Variants in TMPRSS12 observed in about 807,000 individuals in gnomAD.
The protein encoded by TMPRSS12 is transmembrane serine protease 12.
TMPRSS12 carries 25 observed loss-of-function variants against 26.0 expected under a neutral mutation model. That is an observed-to-expected ratio of 0.96 (90% CI 0.70 to 1.34). The LOEUF is 1.34. Among genes scored for constraint, TMPRSS12 ranks in the 40% most tolerant of loss-of-function variants. The probability of loss-of-function intolerance (pLI) is 0.00; values close to 1 mark genes in which losing one functional copy is unlikely to be tolerated. For synonymous variants in TMPRSS12, 150 were observed against 161.7 expected, an observed-to-expected ratio of 0.93 and a Z score of 0.55; for missense variants, 441 against 440.1, an observed-to-expected ratio of 1.00 and a Z score of -0.02.
intron 3 of TMPRSS12, among the ~76,000 whole-genome samples, chr12:50,866,483 C>A (rs1418279431): frequency 6.6e-6 from 1 of 152,088 alleles, no homozygotes; most frequent in Non-Finnish European, 1.5e-5. Context: ...AAGACCCACC[C>A]AAGGAGAGTC....
At chr12:50,883,869 G>T (rs185274613) in intron 3 of TMPRSS12, among the ~76,000 whole-genome samples, 1 of 152,196 alleles carries the variant, frequency 6.6e-6, no homozygotes, top group East Asian at 1.9e-4. Flanking sequence ...GGGCATGATG[G>T]CACATGCCCA....
intron 2 of TMPRSS12, among the ~76,000 whole-genome samples, chr12:50,848,968 G>A (rs1937799421): frequency 6.6e-6 from 1 of 152,142 alleles, no homozygotes; most frequent in Admixed American, 6.5e-5. Flanking sequence ...AGGATAAATT[G>A]GTCCTCCCAC....
intron 3 of TMPRSS12, among the ~76,000 whole-genome samples, chr12:50,873,034 G>A (rs1592223377): frequency 6.6e-6 from 1 of 151,122 alleles, no homozygotes; most frequent in Non-Finnish European, 1.5e-5. Flanking sequence ...AACGGCATTC[G>A]CAGCGACCTG....
intron 3 of TMPRSS12, among the ~76,000 whole-genome samples, chr12:50,871,907 A>T (rs962458183): frequency 2.7e-5 from 4 of 149,954 alleles, no homozygotes; most frequent in Non-Finnish European, 5.9e-5. Context: ...CTCCTTCAAG[A>T]GTGGTCATAA....
At chr12:50,863,108 T>A (rs571200896) in intron 3 of TMPRSS12, among the ~76,000 whole-genome samples, 1 of 151,764 alleles carries the variant, frequency 6.6e-6, no homozygotes, top group Non-Finnish European at 1.5e-5. Context: ...GAGTTCGAGG[T>A]TATGGTGAGC....
At chr12:50,851,734 C>T (rs969549188) in intron 2 of TMPRSS12, among the ~76,000 whole-genome samples, 6 of 152,102 alleles carry the variant, frequency 3.9e-5, no homozygotes, top group Admixed American at 6.5e-5. Flanking sequence ...ATCCCCAAGA[C>T]ATATAGTCAT....
chr12:50,885,787 C>CTGGAAT (rs951308154), intron 4 of TMPRSS12: 2 of 384,222 alleles, frequency 5.2e-6, no homozygotes, highest in African/African-American at 4.2e-5. Flanking sequence ...TCCTAGGTAG[C>CTGGAAT]TGGAATTACA....
intron 2 of TMPRSS12, among the ~76,000 whole-genome samples, chr12:50,854,265 T>C (rs1937855359): frequency 1.3e-5 from 2 of 152,134 alleles, no homozygotes; most frequent in African/African-American, 4.8e-5. Context: ...TCAACATCTC[T>C]TCATGTTAAA....
intron 2 of TMPRSS12, among the ~76,000 whole-genome samples, chr12:50,851,738 T>C (rs1478978019): frequency 1.3e-5 from 2 of 152,070 alleles, no homozygotes; most frequent in African/African-American, 2.4e-5. Context: ...CCAAGACATA[T>C]AGTCATCAGA....
intron 3 of TMPRSS12, among the ~76,000 whole-genome samples, chr12:50,884,669 C>T (rs1231344302): frequency 3.3e-5 from 5 of 151,944 alleles, no homozygotes; most frequent in Admixed American, 1.3e-4. Context: ...GTCAGGAGTT[C>T]GAGAACAGCC....
chr12:50,851,403 T>C (rs1477232554), intron 2 of TMPRSS12, among the ~76,000 whole-genome samples: 1 of 152,022 alleles, frequency 6.6e-6, no homozygotes, highest in Admixed American at 6.5e-5. Flanking sequence ...TCACAAGAAT[T>C]TAATAATACA....
At chr12:50,852,333 G>A (rs554748973) in intron 2 of TMPRSS12, among the ~76,000 whole-genome samples, 1 of 152,370 alleles carries the variant, frequency 6.6e-6, no homozygotes, top group East Asian at 1.9e-4. Context: ...GCTCAAAGTA[G>A]AGGGATGGAG....
At chr12:50,857,080 A>AT (rs1175239510) in intron 2 of TMPRSS12, among the ~76,000 whole-genome samples, 11 of 152,164 alleles carry the variant, frequency 7.2e-5, no homozygotes, top group South Asian at 2.1e-4. Context: ...ATAGCTGTTA[A>AT]TTTTTTTTAC....
chr12:50,856,640 TA>T (rs56787738), intron 2 of TMPRSS12, among the ~76,000 whole-genome samples: 1 of 149,236 alleles, frequency 6.7e-6, no homozygotes, highest in African/African-American at 2.5e-5. Flanking sequence ...TGTTTTATAT[TA>T]AAAAAAAAAT....
intron 3 of TMPRSS12, among the ~76,000 whole-genome samples, chr12:50,862,329 G>A (rs1937945208): frequency 1.3e-5 from 2 of 152,164 alleles, no homozygotes; most frequent in South Asian, 4.1e-4. Context: ...CTGGAACACG[G>A]AAGTTGACTT....
intron 2 of TMPRSS12, among the ~76,000 whole-genome samples, chr12:50,854,334 GA>G (rs1450081643): frequency 6.6e-6 from 1 of 152,266 alleles, no homozygotes; most frequent in Non-Finnish European, 1.5e-5. Context: ...AGCCATCTAT[GA>G]CAAACCCTCA....
chr12:50,851,348 A>G (rs947783302), intron 2 of TMPRSS12, among the ~76,000 whole-genome samples: 2 of 152,224 alleles, frequency 1.3e-5, no homozygotes, highest in Non-Finnish European at 1.5e-5. Flanking sequence ...TGAAACAGCC[A>G]TTTTAAGAAA....
intron 2 of TMPRSS12, among the ~76,000 whole-genome samples, chr12:50,853,584 A>C (rs1182275692): frequency 4.0e-5 from 6 of 149,658 alleles, no homozygotes; most frequent in African/African-American, 1.5e-4. Flanking sequence ...AGACTAACAA[A>C]AAAAAAAAAA....
intron 3 of TMPRSS12, among the ~76,000 whole-genome samples, chr12:50,882,145 A>G (rs1190661789): frequency 6.8e-6 from 1 of 147,074 alleles, no homozygotes; most frequent in South Asian, 2.1e-4. Flanking sequence ...TAGCTTTTTT[A>G]AAGTTTAAAT....
Sources: gnomAD v4.1 joint callset for allele counts (sites outside exome capture counted in the v4.1 genomes callset) on GRCh38, gnomAD v4.1.1 for gene constraint, MANE v1.5 for transcripts, NCBI Gene and HGNC (gene_info 2026-07-23, HGNC 2026-07-21) for gene names.